The following HPSE variants were observed in gnomAD, a reference collection of about 807,000 sequenced individuals.
HPSE encodes endo-glucoronidase.
In HPSE, 48 loss-of-function variants were observed where a neutral mutation model predicts 65.1. The observed-to-expected ratio is 0.74, with a 90% CI of 0.58 to 0.94. The LOEUF (loss-of-function observed/expected upper bound fraction) is 0.94, where lower values mean the gene tolerates loss of function less well. Ranked by LOEUF, HPSE falls within the 40% of genes least tolerant of loss-of-function variation. The pLI is 0.00. For missense variants in HPSE, 644 were observed against 637.5 expected (o/e 1.01, Z -0.11); for synonymous variants, 243 against 260.0 (o/e 0.93, Z 0.63).
chr4:83,334,609 G>A lies in HPSE; in HGVS notation c.174C>T (p.Ser58=), dbSNP rs1407058536. ...PLHLVSPSFL[S]VTIDANLATD... ...TGGCCAGGTTGGCGTCAATGGTGACGGACAGGAACGAGGGGCTCACCAGGT... is the reference window on the plus strand; with the variant it reads ...TGGCCAGGTTGGCGTCAATGGTGACAGACAGGAACGAGGGGCTCACCAGGT... The change falls in exon 1 of 12, where the codon TCC becomes TCT. Residue 58 remains serine, a synonymous_variant. Transcript: ENST00000311412. The A allele has an allele frequency of 3.1e-6, 5 of 1,593,580 alleles. 1 individual carries two copies. In the South Asian group the frequency reaches 4.6e-5, roughly 15 times the overall value.
Position 83,324,187 on chromosome 4 carries a change from T to G in HPSE, c.228-1823A>C, listed in dbSNP as rs192258839. The stretch of plus-strand genomic sequence containing the variant: ...TCCAGGCTGGAGTACGATGGCGTGA[T>G]CTCAGGCCATTGCAGCCTCCACCTC... On this transcript the variant is annotated intron_variant, in intron 1 of 11. Coordinates refer to ENST00000311412, the MANE Select transcript of HPSE (RefSeq NM_001098540.3). Among the ~76,000 whole-genome samples the G allele has an allele frequency of 1.2e-3, 176 of 142,506 alleles. 2 individuals carry two copies. The highest frequency in any genetic ancestry group is 3.1e-3 in the East Asian group (15 of 4,778). The allele number at this position is 142,506 out of a possible 152,430, so 93.5% of individuals were successfully genotyped here.
chr4:83,310,179 T>C, intron 5 of HPSE, 101 bp from the exon 6 acceptor site: 1 of 709,046 alleles, frequency 1.4e-6, no homozygotes. Context: ...GTTACTGCTT[T>C]AGGATCAGGT....
At chr4:83,297,339 CTT>C (rs80243948) in intron 11 of HPSE, among the ~76,000 whole-genome samples, 33 of 140,968 alleles carry the variant, frequency 2.3e-4, no homozygotes, top group Non-Finnish European at 2.3e-4. Flanking sequence ...CTGTACATAC[CTT>C]TTTTTTTTTT....
chr4:83,325,050 G>C (rs987424922), intron 1 of HPSE, among the ~76,000 whole-genome samples: 3 of 152,010 alleles, frequency 2.0e-5, no homozygotes, highest in Non-Finnish European at 4.4e-5. Context: ...TGGTGAGCTA[G>C]ATGGTAGACT....
In HPSE at chr4:83,326,856, A is replaced by G. The variant is rs1737175044; in HGVS notation, c.228-4492T>C. Among the ~76,000 whole-genome samples, 1 of 152,140 alleles carries G rather than the reference A, an allele frequency of 6.6e-6. No individual in the cohort carries two copies. The highest frequency in any genetic ancestry group is 2.1e-4 in the South Asian group (1 of 4,824). On this transcript the variant is annotated intron_variant, in intron 1 of 11. Transcript: ENST00000311412. The surrounding 1 kb of genome is among the most constrained non-coding windows in gnomAD (Gnocchi z 4.2). ...TTGTAAGCAGTCGCGGCTGGGCAAG[A>G]GACTGGGAAGTGGGAGGAAACGAGC...
In HPSE at chr4:83,301,029, T is replaced by C. The variant is rs1735927754; in HGVS notation, c.1403A>G (p.Tyr468Cys). 7 of 1,607,458 alleles carry C rather than the reference T, an allele frequency of 4.4e-6. No homozygotes were observed. Among genetic ancestry groups the C allele is most frequent in the Non-Finnish European group, 6.0e-6 (7 of 1,174,886 alleles). Reference sequence around the variant, plus strand: ...ATCCACTTGCTTGTTAGAAAAAGGATAGGGTAACCGCAAGTACTTGGTGAC... The same window carrying C: ...ATCCACTTGCTTGTTAGAAAAAGGACAGGGTAACCGCAAGTACTTGGTGAC... ...HNVTKYLRLP[Y>C]PFSNKQVDKY... The change falls in exon 11 of 12, where the codon TAT becomes TGT. Residue 468 changes from tyrosine (Y) to cysteine (C), a missense_variant. Physicochemically the swap from Tyr to Cys is radical, Grantham distance 194 (BLOSUM62 -2). Coordinates refer to ENST00000311412, the MANE Select transcript of HPSE (RefSeq NM_001098540.3).
At chr4:83,302,307 T>A in intron 9 of HPSE, 39 bp from the exon 10 acceptor site, 2 of 1,286,848 alleles carry the variant, frequency 1.6e-6, no homozygotes, top group Non-Finnish European at 2.3e-6. Context: ...CAAAAATAGA[T>A]GTTTACTTAT....
intron 8 of HPSE, among the ~76,000 whole-genome samples, chr4:83,308,567 T>A (rs1736239290): frequency 6.6e-6 from 1 of 152,192 alleles, no homozygotes; most frequent in Non-Finnish European, 1.5e-5. Flanking sequence ...TACAGTGTAC[T>A]TCTTTAGAGT....
intron 1 of HPSE, among the ~76,000 whole-genome samples, chr4:83,325,321 A>T (rs911819918): frequency 6.6e-6 from 1 of 152,046 alleles, no homozygotes; most frequent in African/African-American, 2.4e-5. Flanking sequence ...ACCCACCACC[A>T]TGCCCAGCTA....
intron 1 of HPSE, among the ~76,000 whole-genome samples, chr4:83,325,137 GT>G (rs1320978988): frequency 5.7e-4 from 34 of 59,602 alleles, no homozygotes; most frequent in African/African-American, 5.6e-3. Flanking sequence ...CTTGGTGTGT[GT>G]GTGTGTGTGT....
chr4:83,302,365 G>C (rs1384432679), intron 9 of HPSE, 97 bp from the exon 10 acceptor site: 16 of 742,366 alleles, frequency 2.2e-5, no homozygotes, highest in Non-Finnish European at 3.5e-5. Context: ...ATCCTACAAA[G>C]AGTATCACTG....
intron 1 of HPSE, among the ~76,000 whole-genome samples, chr4:83,329,288 A>C (rs1357022690): frequency 6.6e-6 from 1 of 152,238 alleles, no homozygotes; most frequent in Non-Finnish European, 1.5e-5. Context: ...TAAAATTAAT[A>C]AGTAATATTT....
intron 2 of HPSE, 86 bp from the exon 3 acceptor site, chr4:83,319,555 G>A (rs2126193368): frequency 7.4e-7 from 1 of 1,350,714 alleles, no homozygotes; most frequent in African/African-American, 1.4e-5. Context: ...AGCTATTTAT[G>A]TGACTAAAGC....
At chr4:83,317,425 C>T (rs1368105535) in intron 3 of HPSE, among the ~76,000 whole-genome samples, 1 of 152,182 alleles carries the variant, frequency 6.6e-6, no homozygotes, top group Admixed American at 6.5e-5. Flanking sequence ...TTTCTGTTTC[C>T]ATGACGTGCC....
At chr4:83,331,903 T>C (rs1352114362) in intron 1 of HPSE, among the ~76,000 whole-genome samples, 2 of 152,232 alleles carry the variant, frequency 1.3e-5, no homozygotes, top group Non-Finnish European at 2.9e-5. Flanking sequence ...TATTATCTCA[T>C]GTGATCAGAG....
Position 83,334,821 on chromosome 4 carries a change from G to A in HPSE, c.-39C>T. The A allele has an allele frequency of 1.4e-6, 2 of 1,479,830 alleles. No individual in the cohort carries two copies. Among genetic ancestry groups the A allele is most frequent in the South Asian group, 1.4e-5 (1 of 73,556 alleles). The allele number at this position is 1,479,830 out of a possible 1,614,324, so 91.7% of individuals were successfully genotyped here. A position where few individuals can be genotyped will look rare whatever the true frequency, so the allele number is the denominator to read the frequency against. On this transcript the variant is annotated 5_prime_UTR_variant, in exon 1 of 12. Transcript: ENST00000311412. Reference sequence around the variant, plus strand: ...GGCTGCTCCCCCCGCCAGCTGCCGCGCAGCGGAGAGTCGAGAGCTCTAGCA... The same window carrying A: ...GGCTGCTCCCCCCGCCAGCTGCCGCACAGCGGAGAGTCGAGAGCTCTAGCA...
rs1048832439 is a variant in HPSE, at chr4:83,321,439, T to C, written c.373+780A>G. On this transcript the variant is annotated intron_variant, in intron 2 of 11. Transcript: ENST00000311412. ...ATACGTTATATACACATTATTATAATTCAGTGGTGTATACAATATTTTCAG... is the reference window on the plus strand; with the variant it reads ...ATACGTTATATACACATTATTATAACTCAGTGGTGTATACAATATTTTCAG... Among the ~76,000 whole-genome samples, 114 of 152,284 alleles carry C rather than the reference T, an allele frequency of 7.5e-4. 1 individual carries two copies. Among genetic ancestry groups the C allele is most frequent in the Non-Finnish European group, 3.7e-4 (25 of 68,018 alleles).
chr4:83,325,224 G>C (rs1737101997), intron 1 of HPSE, among the ~76,000 whole-genome samples: 1 of 151,016 alleles, frequency 6.6e-6, no homozygotes, highest in Admixed American at 6.6e-5. Context: ...GGAGTACAGT[G>C]GCATGATCTC....
chr4:83,318,891 TG>T (rs1490553323), intron 3 of HPSE, among the ~76,000 whole-genome samples: 1 of 152,076 alleles, frequency 6.6e-6, no homozygotes, highest in Non-Finnish European at 1.5e-5. Context: ...TGCTGCTTGG[TG>T]GCCAAGACTG....
Sources: allele counts gnomAD v4.1 joint callset (sites outside exome capture counted in the v4.1 genomes callset), GRCh38; gene constraint gnomAD v4.1.1; non-coding constraint Gnocchi (gnomAD v3.1); transcripts MANE v1.5; gene names NCBI Gene and HGNC (gene_info 2026-07-23, HGNC 2026-07-21).